The following HIBCH variants were observed in gnomAD, a reference collection of about 807,000 sequenced individuals.
The protein encoded by HIBCH is 3-hydroxyisobutyryl-CoA hydrolase, mitochondrial.
Under a neutral mutation model 58.2 loss-of-function variants are expected in HIBCH, and 50 were observed. The ratio of observed to expected loss-of-function variants is 0.86; its 90% CI spans 0.68 to 1.09. HIBCH has a LOEUF of 1.09. Among genes scored for constraint, HIBCH ranks in the 50% least tolerant of loss-of-function variants. HIBCH has a pLI of 0.00. For missense variants in HIBCH, 450 were observed against 449.7 expected, an observed-to-expected ratio of 1.00 and a Z score of -0.01; for synonymous variants, 151 against 146.9, an observed-to-expected ratio of 1.03 and a Z score of -0.20.
intron 11 of HIBCH, among the ~76,000 whole-genome samples, chr2:190,237,825 C>T (rs144673078): frequency 3.6e-4 from 55 of 152,048 alleles, no homozygotes; most frequent in African/African-American, 1.2e-3. Context: ...CTCCCTTTGC[C>T]CCCTACCCTG....
At chr2:190,272,865 T>C (rs1687440389) in intron 6 of HIBCH, among the ~76,000 whole-genome samples, 1 of 151,860 alleles carries the variant, frequency 6.6e-6, no homozygotes, top group African/African-American at 2.4e-5. Flanking sequence ...AAATGGGGTA[T>C]AGGAAGCTAA....
intron 11 of HIBCH, among the ~76,000 whole-genome samples, chr2:190,223,377 T>G (rs1055723065): frequency 1.3e-5 from 2 of 152,192 alleles, no homozygotes; most frequent in African/African-American, 4.8e-5. Flanking sequence ...TGGTACTACA[T>G]GCATGCCACC....
intron 11 of HIBCH, chr2:190,220,424 T>G (rs1375674159): frequency 6.6e-6 from 1 of 152,088 alleles, no homozygotes; most frequent in Non-Finnish European, 1.5e-5. Context: ...TTTGAACAGA[T>G]GACTTCGGTA....
At chr2:190,275,108 AAAC>A (rs1378278658) in intron 6 of HIBCH, among the ~76,000 whole-genome samples, 2 of 152,238 alleles carry the variant, frequency 1.3e-5, no homozygotes, top group Admixed American at 1.3e-4. Context: ...AGAAACACAA[AAAC>A]AATACCTTAC....
chr2:190,242,693 C>T (rs1419871950), intron 11 of HIBCH, among the ~76,000 whole-genome samples: 1 of 152,156 alleles, frequency 6.6e-6, no homozygotes, highest in Non-Finnish European at 1.5e-5. Context: ...GTCATCAATA[C>T]TAGCTACAAC....
At chr2:190,314,969 CCTGAGTCT>C (rs1211251840) in intron 1 of HIBCH, among the ~76,000 whole-genome samples, 1 of 150,862 alleles carries the variant, frequency 6.6e-6, no homozygotes, top group Non-Finnish European at 1.5e-5. Flanking sequence ...TTTTTTTGAG[CCTGAGTCT>C]CTCTCTGTCG....
intron 8 of HIBCH, 103 bp downstream of exon 8, chr2:190,252,058 AT>A (rs1426324134): frequency 6.6e-6 from 7 of 1,067,336 alleles, no homozygotes; most frequent in African/African-American, 6.2e-5. Context: ...TCACACCACG[AT>A]TTCACCAGAA....
At chr2:190,311,096 G>T (rs1420401047) in intron 1 of HIBCH, 2 of 516,980 alleles carry the variant, frequency 3.9e-6, no homozygotes, top group Admixed American at 2.9e-5. Flanking sequence ...ATTCAGCCAT[G>T]AAAAAAAGAA....
downstream of HIBCH, chr2:190,202,494 AT>A (rs1559006986): frequency 6.0e-6 from 1 of 167,108 alleles, no homozygotes; most frequent in Admixed American, 6.5e-5. Flanking sequence ...ATTACATGTG[AT>A]AGTTATCATG....
intron 1 of HIBCH, among the ~76,000 whole-genome samples, chr2:190,194,114 G>A (rs1324074129): frequency 6.6e-6 from 1 of 152,160 alleles, no homozygotes; most frequent in Admixed American, 6.5e-5. Context: ...GGGGTGGTTA[G>A]AAATTGTACT....
chr2:190,266,953 C>T (rs1304685320), intron 6 of HIBCH, among the ~76,000 whole-genome samples: 6 of 151,820 alleles, frequency 4.0e-5, no homozygotes, highest in African/African-American at 1.5e-4. Context: ...GATGGGGTTT[C>T]ACCACGTTGG....
Position 190,212,935 on chromosome 2 carries a change from ATTTTT to A in HIBCH, c.1011+16_1011+20del. On this transcript the variant is annotated intron_variant, in intron 12 of 13. Transcript: ENST00000359678. ...GTTACTTTTAGAACTAAAAAATGAC[ATTTTT>A]TTTTTAAATTCTTACCATACAAGCT... The A allele has an allele frequency of 6.6e-7, 1 of 1,513,142 alleles. No homozygotes were observed. Among genetic ancestry groups the A allele is most frequent in the South Asian group, 1.1e-5 (1 of 87,182 alleles). The allele number at this position is 1,513,142 out of a possible 1,614,324, so 93.7% of individuals were successfully genotyped here.
chr2:190,300,134 G>A (rs1018718515), intron 2 of HIBCH, among the ~76,000 whole-genome samples: 4 of 152,304 alleles, frequency 2.6e-5, no homozygotes, highest in African/African-American at 7.2e-5. Flanking sequence ...ACATACGTGT[G>A]CATGTGTCTT....
At chr2:190,200,365 G>A (rs1283422360), downstream of HIBCH, 3 of 519,466 alleles carry the variant, frequency 5.8e-6, no homozygotes, top group Non-Finnish European at 1.1e-5. Context: ...TCATCTGAAG[G>A]GCTGAACAGA....
chr2:190,286,964 AAC>A (rs764032377), intron 6 of HIBCH, among the ~76,000 whole-genome samples: 8 of 152,024 alleles, frequency 5.3e-5, no homozygotes, highest in South Asian at 2.1e-4. Flanking sequence ...AAAAGATAAA[AAC>A]ACAATCAGTT....
intron 11 of HIBCH, among the ~76,000 whole-genome samples, chr2:190,222,213 CACTT>C (rs1360019175): frequency 2.0e-5 from 3 of 152,162 alleles, no homozygotes; most frequent in Non-Finnish European, 2.9e-5. Context: ...TGCACTCACT[CACTT>C]GTGTTCCCCA....
At chr2:190,260,479 T>G (rs1394178275) in intron 7 of HIBCH, 4 of 152,250 alleles carry the variant, frequency 2.6e-5, no homozygotes, top group Non-Finnish European at 4.4e-5. Context: ...TAAATTCATC[T>G]GCAGGCTTTT....
chr2:190,309,059 A>G (rs1302988289), intron 2 of HIBCH, among the ~76,000 whole-genome samples: 1 of 152,206 alleles, frequency 6.6e-6, no homozygotes, highest in African/African-American at 2.4e-5. Context: ...AATAGTACAT[A>G]CTAAATACTT....
In HIBCH at chr2:190,306,979, G is replaced by C. The variant is rs1181376197; in HGVS notation, c.78+3775C>G. Among the ~76,000 whole-genome samples the C allele has an allele frequency of 6.6e-6, 1 of 152,150 alleles. No individual in the cohort carries two copies. The highest frequency in any genetic ancestry group is 6.5e-5 in the Admixed American group (1 of 15,272). On this transcript the variant is annotated intron_variant, in intron 2 of 13. Transcript: ENST00000359678. The surrounding 1 kb of genome is among the most constrained non-coding windows in gnomAD (Gnocchi z 4.6). ...CAGACACCAAATCCGCTGGCCCCTT[G>C]ATCTTGAACTCCCCAGCCTCCAGAA...
Sources: gnomAD v4.1 joint callset for allele counts (sites outside exome capture counted in the v4.1 genomes callset) on GRCh38, gnomAD v4.1.1 for gene constraint, Gnocchi (gnomAD v3.1) non-coding constraint, MANE v1.5 for transcripts, NCBI Gene and HGNC (gene_info 2026-07-23, HGNC 2026-07-21) for gene names.